VPS13B: variants seen among roughly 807,000 people sequenced by gnomAD.
The protein encoded by VPS13B is intermembrane lipid transfer protein VPS13B.
A neutral mutation model predicts 426.4 loss-of-function variants in VPS13B; 285 were observed. The observed-to-expected ratio is 0.67, with a 90% CI of 0.61 to 0.74. The LOEUF (loss-of-function observed/expected upper bound fraction) is 0.74. Ranked by LOEUF, VPS13B falls within the 30% of genes least tolerant of loss-of-function variation. VPS13B has a pLI of 0.00. For missense variants in VPS13B, 4,537 were observed against 4,782.6 expected, an observed-to-expected ratio of 0.95 and a Z score of 1.51; for synonymous variants, 1,676 against 1,676.4, an observed-to-expected ratio of 1.00 and a Z score of 0.01.
At chr8:99,711,234 A>T (rs568662264) in intron 36 of VPS13B, among the ~76,000 whole-genome samples, 1 of 152,314 alleles carries the variant, frequency 6.6e-6, no homozygotes, top group South Asian at 2.1e-4. Context: ...GCAGACAAGG[A>T]AGGCACATGG....
At chr8:99,624,266 G>A (rs1424467368) in intron 33 of VPS13B, among the ~76,000 whole-genome samples, 1 of 151,942 alleles carries the variant, frequency 6.6e-6, no homozygotes, top group East Asian at 1.9e-4. Flanking sequence ...GTATAAAATA[G>A]TCCATTCCTT....
chr8:99,411,179 A>G (rs1256984400), intron 21 of VPS13B, among the ~76,000 whole-genome samples: 1 of 152,178 alleles, frequency 6.6e-6, no homozygotes, highest in African/African-American at 2.4e-5. Context: ...CACTCCCATC[A>G]ATGGTGTAAA....
rs549647062 is a variant in VPS13B, at chr8:99,612,136, T to A, written c.5221-29675T>A. On this transcript the variant is annotated intron_variant, in intron 33 of 61. Transcript: ENST00000357162. The stretch of plus-strand genomic sequence containing the variant: ...AGATTTTATGTCTAAAGTACGGCTG[T>A]GTTTCTGCCATTAGACTAGCAATCT... Among the ~76,000 whole-genome samples the A allele has an allele frequency of 2.9e-3, 444 of 152,260 alleles. 6 individuals carry two copies. Among genetic ancestry groups the A allele is most frequent in the South Asian group, 0.019 (91 of 4,826 alleles).
intron 43 of VPS13B, among the ~76,000 whole-genome samples, chr8:99,792,169 C>T (rs996314550): frequency 2.4e-4 from 36 of 152,208 alleles, no homozygotes; most frequent in African/African-American, 8.2e-4. Context: ...CTGTTAACTA[C>T]AAACATCAAC....
chr8:99,578,063 G>A (rs1280265941), intron 33 of VPS13B, among the ~76,000 whole-genome samples: 1 of 152,102 alleles, frequency 6.6e-6, no homozygotes, highest in Non-Finnish European at 1.5e-5. Context: ...TGCTCAGTGG[G>A]AAATGAATGG....
At chr8:99,556,402 T>A (rs1238372406) in intron 30 of VPS13B, 48 bp from the exon 31 acceptor site, 1 of 1,574,942 alleles carries the variant, frequency 6.3e-7, no homozygotes, top group African/African-American at 1.4e-5. Flanking sequence ...AATGGTTATT[T>A]TATCTGTTTT....
intron 25 of VPS13B, among the ~76,000 whole-genome samples, chr8:99,497,237 A>G (rs1820966950): frequency 7.1e-6 from 1 of 141,104 alleles, no homozygotes; most frequent in African/African-American, 2.6e-5. Flanking sequence ...ATTTATATAT[A>G]CATATATGTA....
chr8:99,470,731 A>G (rs990726100), intron 24 of VPS13B, among the ~76,000 whole-genome samples: 5 of 151,914 alleles, frequency 3.3e-5, no homozygotes, highest in African/African-American at 4.8e-5. Context: ...AAAAAAAAAA[A>G]AGAGGAAATA....
At chr8:99,748,683 CT>C (rs34563233) in intron 39 of VPS13B, among the ~76,000 whole-genome samples, 1 of 151,662 alleles carries the variant, frequency 6.6e-6, no homozygotes, top group Non-Finnish European at 1.5e-5. Flanking sequence ...TGCTTGACTC[CT>C]TTTTTTTGCA....
chr8:99,145,374 T>C (rs1486888850), intron 13 of VPS13B, among the ~76,000 whole-genome samples: 1 of 152,200 alleles, frequency 6.6e-6, no homozygotes, highest in Non-Finnish European at 1.5e-5. Flanking sequence ...GTGTGTTCAC[T>C]ACCATGGTCA....
chr8:99,178,429 A>G (rs1220496558), intron 16 of VPS13B, among the ~76,000 whole-genome samples: 1 of 151,902 alleles, frequency 6.6e-6, no homozygotes, highest in Non-Finnish European at 1.5e-5. Context: ...CTTGTATAGC[A>G]TTTTGTACTT....
At chr8:99,547,354 C>T (rs1222117540) in intron 30 of VPS13B, among the ~76,000 whole-genome samples, 1 of 152,080 alleles carries the variant, frequency 6.6e-6, no homozygotes, top group Non-Finnish European at 1.5e-5. Flanking sequence ...CTCAAAATTA[C>T]TGTCACTTAT....
At chr8:99,575,902 G>A (rs1825752818) in intron 32 of VPS13B, 118 bp downstream of exon 32, 2 of 993,606 alleles carry the variant, frequency 2.0e-6, no homozygotes, top group Non-Finnish European at 3.0e-6. Context: ...TAATAATAAT[G>A]GCTACTATCA....
intron 31 of VPS13B, among the ~76,000 whole-genome samples, chr8:99,569,646 G>A (rs1286971301): frequency 1.3e-5 from 2 of 152,138 alleles, no homozygotes; most frequent in Non-Finnish European, 2.9e-5. Context: ...ATGTATGACA[G>A]ATGGGCAGAA....
chr8:99,480,726 A>G (rs994030927), intron 24 of VPS13B, among the ~76,000 whole-genome samples: 3 of 152,174 alleles, frequency 2.0e-5, no homozygotes, highest in Admixed American at 6.5e-5. Context: ...AGGATTGACA[A>G]TAGTGTTTTT....
At chr8:99,368,188 A>G (rs1210649576) in intron 19 of VPS13B, among the ~76,000 whole-genome samples, 1 of 152,182 alleles carries the variant, frequency 6.6e-6, no homozygotes, top group East Asian at 1.9e-4. Flanking sequence ...GAGACATATG[A>G]TAGCCTTAGT....
Position 99,817,658 on chromosome 8 carries a change from G to A in VPS13B, c.8216G>A (p.Cys2739Tyr). 1 of 1,614,032 alleles carries A rather than the reference G, an allele frequency of 6.2e-7. No homozygotes were observed. Among genetic ancestry groups the A allele is most frequent in the Non-Finnish European group, 8.5e-7 (1 of 1,179,978 alleles). ...GQAVVREHFD[C>Y]LTAKQKLPSY... ...GCTGTAGTTCGGGAACATTTTGACT[G>A]CCTCACAGCCAAACAGAAATTGCCT... is the stretch of plus-strand genomic sequence containing the variant. Residue 2739 changes from cysteine to tyrosine, a missense_variant, in exon 45 of 62, where the codon TGC (cysteine) becomes TAC (tyrosine). By Grantham distance (194) the Cys-to-Tyr change is radical. Around this residue, in one of 2 missense-constraint regions of VPS13B, gnomAD observed 4,311 missense variants for 4,474.3 expected, o/e 0.96. Transcript: ENST00000357162.
At chr8:99,719,025 T>C (rs1833031493) in intron 37 of VPS13B, among the ~76,000 whole-genome samples, 1 of 152,176 alleles carries the variant, frequency 6.6e-6, no homozygotes, top group Non-Finnish European at 1.5e-5. Context: ...AGAGCAAGAT[T>C]TGGGAAGATC....
At chr8:99,640,835 A>G (rs556040487) in intron 33 of VPS13B, among the ~76,000 whole-genome samples, 1 of 152,344 alleles carries the variant, frequency 6.6e-6, no homozygotes, top group Admixed American at 6.5e-5. Flanking sequence ...GGTAGGAAAC[A>G]AAGACTGAAA....
Sources: allele counts gnomAD v4.1 joint callset (sites outside exome capture counted in the v4.1 genomes callset), GRCh38; gene constraint gnomAD v4.1.1; regional missense constraint gnomAD v4.1.1; transcripts MANE v1.5; gene names NCBI Gene and HGNC (gene_info 2026-07-23, HGNC 2026-07-21).